The following CNTN4 variants were observed in gnomAD, a reference collection of about 807,000 sequenced individuals.
The protein encoded by CNTN4 is contactin 4.
CNTN4 carries 77 observed loss-of-function variants against 122.5 expected under a neutral mutation model. The ratio of observed to expected loss-of-function variants is 0.63; its 90% CI spans 0.52 to 0.76. CNTN4 has a LOEUF of 0.76. Ranked by LOEUF, CNTN4 falls within the 30% of genes least tolerant of loss-of-function variation. The probability of loss-of-function intolerance (pLI) is 0.00; values close to 1 mark genes in which losing one functional copy is unlikely to be tolerated. For synonymous variants in CNTN4, 512 were observed against 447.0 expected (o/e 1.15, Z -1.83); for missense variants, 1,256 against 1,259.1 (o/e 1.00, Z 0.04).
intron 3 of CNTN4, among the ~76,000 whole-genome samples, chr3:2,569,254 C>G (rs1027804989): frequency 6.6e-6 from 1 of 152,150 alleles, no homozygotes; most frequent in African/African-American, 2.4e-5. Flanking sequence ...TGTTCATTTT[C>G]TGTTAGCTCC....
chr3:2,340,890 T>A (rs1623016), intron 3 of CNTN4, among the ~76,000 whole-genome samples: 137,941 of 151,626 alleles, frequency 0.91, 63,185 homozygotes, highest in East Asian at 1. Flanking sequence ...CTATGAGTCT[T>A]TGGGATCAGC....
At chr3:2,111,629 A>G (rs921210663) in intron 2 of CNTN4, among the ~76,000 whole-genome samples, 1 of 152,112 alleles carries the variant, frequency 6.6e-6, no homozygotes, top group East Asian at 1.9e-4. Context: ...TCTACTACTT[A>G]TGTATTTAGT....
At chr3:2,672,109 C>T (rs551862881) in intron 4 of CNTN4, among the ~76,000 whole-genome samples, 75 of 152,306 alleles carry the variant, frequency 4.9e-4, no homozygotes, top group African/African-American at 1.4e-3. Context: ...TCTCAAGCTG[C>T]GTGCTGGGAG....
intron 2 of CNTN4, among the ~76,000 whole-genome samples, chr3:2,197,710 A>T (rs1010642246): frequency 1.3e-5 from 2 of 152,146 alleles, no homozygotes; most frequent in African/African-American, 4.8e-5. Context: ...ATATAGATAC[A>T]TACTTTTTAA....
chr3:2,471,146 G>A (rs1406551669), intron 3 of CNTN4, among the ~76,000 whole-genome samples: 1 of 152,192 alleles, frequency 6.6e-6, no homozygotes, highest in Admixed American at 6.5e-5. Flanking sequence ...TGATTTGGAA[G>A]AGGTTATCGA....
chr3:2,610,217 G>T (rs2081422234), intron 4 of CNTN4, among the ~76,000 whole-genome samples: 1 of 152,258 alleles, frequency 6.6e-6, no homozygotes, highest in Non-Finnish European at 1.5e-5. Flanking sequence ...ATCTGGGGAA[G>T]TTTGCTCACT....
intron 3 of CNTN4, among the ~76,000 whole-genome samples, chr3:2,416,555 C>T (rs1487073459): frequency 6.6e-6 from 1 of 152,192 alleles, no homozygotes; most frequent in Non-Finnish European, 1.5e-5. Flanking sequence ...CATTTGTTGA[C>T]TCTTCATGTT....
chr3:2,479,905 A>G (rs2075940428), intron 3 of CNTN4, among the ~76,000 whole-genome samples: 1 of 152,206 alleles, frequency 6.6e-6, no homozygotes, highest in African/African-American at 2.4e-5. Flanking sequence ...ATGTATAAAA[A>G]TAATTATACA....
chr3:2,664,800 T>C (rs938164594), intron 4 of CNTN4, among the ~76,000 whole-genome samples: 3 of 152,236 alleles, frequency 2.0e-5, no homozygotes, highest in Admixed American at 6.5e-5. Context: ...TAGTATGCGA[T>C]GACACAAACA....
At chr3:2,809,884 T>C (rs2092562849) in intron 6 of CNTN4, among the ~76,000 whole-genome samples, 1 of 152,006 alleles carries the variant, frequency 6.6e-6, no homozygotes, top group Non-Finnish European at 1.5e-5. Flanking sequence ...CTAGATAAAA[T>C]AGAGTATGTC....
At position 2,883,207 on chromosome 3, in the gene CNTN4, A is replaced by G. The variant is rs780512706; in HGVS notation, c.715A>G (p.Lys239Glu). Residue 239 changes from lysine to glutamate, a missense_variant, in exon 9 of 25, where the codon AAA becomes GAA. Lys to Glu is a moderately conservative substitution (Grantham distance 56, BLOSUM62 1). Transcript: ENST00000418658. Reference sequence around the variant, plus strand: ...GTTCCCAGAAACAGTTCCGACTGCAAAAGGAGCAACGGTGAAGCTGGAATG... The same window carrying G: ...GTTCCCAGAAACAGTTCCGACTGCAGAAGGAGCAACGGTGAAGCTGGAATG... ...VQFPETVPTA[K>E]GATVKLECFA... 1.2e-6 allele frequency: 2 copies of G among 1,613,910 alleles called. No individual in the cohort carries two copies. Among genetic ancestry groups the G allele is most frequent in the African/African-American group, 1.3e-5 (1 of 75,048 alleles).
At chr3:2,191,957 C>T (rs759177647) in intron 2 of CNTN4, among the ~76,000 whole-genome samples, 1 of 151,922 alleles carries the variant, frequency 6.6e-6, no homozygotes, top group Middle Eastern at 3.2e-3. Context: ...TCAGTTCCCA[C>T]CTATGAGTGA....
intron 23 of CNTN4, among the ~76,000 whole-genome samples, chr3:3,050,988 C>G (rs1284952752): frequency 6.6e-6 from 1 of 152,092 alleles, no homozygotes; most frequent in Non-Finnish European, 1.5e-5. Flanking sequence ...TACATGTGGC[C>G]CAAGATGGCT....
intron 3 of CNTN4, among the ~76,000 whole-genome samples, chr3:2,516,181 A>C (rs1052452829): frequency 7.2e-5 from 11 of 152,024 alleles, no homozygotes; most frequent in Non-Finnish European, 5.9e-5. Context: ...TGATGCATAT[A>C]TATATATATT....
chr3:2,438,263 T>C (rs539813470), intron 3 of CNTN4, among the ~76,000 whole-genome samples: 1 of 152,322 alleles, frequency 6.6e-6, no homozygotes, highest in African/African-American at 2.4e-5. Context: ...CTCACGCTAG[T>C]AATCCCAGCC....
intron 2 of CNTN4, among the ~76,000 whole-genome samples, chr3:2,313,992 G>A (rs550634880): frequency 6.6e-6 from 1 of 151,914 alleles, no homozygotes; most frequent in African/African-American, 2.4e-5. Context: ...CTATGAATCT[G>A]AAAACTTTAA....
intron 3 of CNTN4, among the ~76,000 whole-genome samples, chr3:2,468,907 C>T (rs569763349): frequency 3.3e-5 from 5 of 152,284 alleles, no homozygotes; most frequent in South Asian, 4.1e-4. Context: ...CAGAAATCCT[C>T]TTCCATGTAA....
chr3:2,120,087 A>G (rs1182197651), intron 2 of CNTN4, among the ~76,000 whole-genome samples: 3 of 151,912 alleles, frequency 2.0e-5, no homozygotes, highest in African/African-American at 7.3e-5. Context: ...GCAGTAGGTA[A>G]GTAAGAGCTT....
intron 2 of CNTN4, among the ~76,000 whole-genome samples, chr3:2,249,967 A>T (rs1189910931): frequency 6.6e-6 from 1 of 151,852 alleles, no homozygotes; most frequent in Non-Finnish European, 1.5e-5. Flanking sequence ...AAATGGATGT[A>T]AAGCAGTGCA....
Sources: allele counts gnomAD v4.1 joint callset (sites outside exome capture counted in the v4.1 genomes callset), GRCh38; gene constraint gnomAD v4.1.1; transcripts MANE v1.5; gene names NCBI Gene and HGNC (gene_info 2026-07-23, HGNC 2026-07-21).